The following MECR variants were observed in gnomAD, a reference collection of about 807,000 sequenced individuals.
The protein encoded by MECR is enoyl-[acyl-carrier-protein] reductase, mitochondrial.
Under a neutral mutation model 49.1 loss-of-function variants are expected in MECR, and 37 were observed. The observed-to-expected ratio is 0.75, with a 90% CI of 0.58 to 0.99. The LOEUF (loss-of-function observed/expected upper bound fraction) is 0.99. Ranked by LOEUF, MECR falls within the 50% of genes least tolerant of loss-of-function variation. The probability of loss-of-function intolerance (pLI) is 0.00; values close to 1 mark genes in which losing one functional copy is unlikely to be tolerated. For synonymous variants in MECR, 198 were observed against 191.1 expected (o/e 1.04, Z -0.30); for missense variants, 470 against 479.6 (o/e 0.98, Z 0.19).
At chr1:29,199,565 T>C (rs369910217) in intron 7 of MECR, among the ~76,000 whole-genome samples, 11 of 152,138 alleles carry the variant, frequency 7.2e-5, no homozygotes, top group South Asian at 4.1e-4. Context: ...TGGAAGGACA[T>C]GCATTAATAT....
At chr1:29,217,935 G>C (rs1679882259) in intron 1 of MECR, among the ~76,000 whole-genome samples, 1 of 152,188 alleles carries the variant, frequency 6.6e-6, no homozygotes, top group South Asian at 2.1e-4. Context: ...TGGGTGGAGG[G>C]CTGAAGGTCC....
At chr1:29,174,702 T>A in the MECR span, among the ~76,000 whole-genome samples, 1 of 125,222 alleles carries the variant, frequency 8.0e-6, no homozygotes. Flanking sequence ...TTTGATGGAG[T>A]CTTGCTCCAT....
chr1:29,199,213 C>G (rs956874683), intron 7 of MECR, among the ~76,000 whole-genome samples: 5 of 152,280 alleles, frequency 3.3e-5, no homozygotes, highest in Admixed American at 2.6e-4. Flanking sequence ...TTTACACACA[C>G]TCTAGCTCAA....
At chr1:29,217,192 C>T (rs1679664254) in intron 1 of MECR, among the ~76,000 whole-genome samples, 1 of 137,036 alleles carries the variant, frequency 7.3e-6, no homozygotes, top group African/African-American at 2.7e-5. Context: ...TCATTAACTG[C>T]AAGTGGAAAA....
In MECR at chr1:29,230,853, C is replaced by A; in HGVS notation, c.54G>T (p.Arg18=). The A allele has an allele frequency of 6.2e-7, 1 of 1,607,818 alleles. No homozygotes were observed. The change falls in exon 1 of 10, where the codon CGG becomes CGT. Residue 18 remains arginine, a synonymous_variant. Transcript: ENST00000263702. ...WRVRTPARQW[R]GLLPASGCHG... Reference sequence around the variant, plus strand: ...GACAGCCAGAAGCTGGGAGCAGCCCCCGCCACTGCCGGGCGGGGGTTCGCA... The same window carrying A: ...GACAGCCAGAAGCTGGGAGCAGCCCACGCCACTGCCGGGCGGGGGTTCGCA...
chr1:29,204,173 C>T (rs1300933791), intron 4 of MECR, among the ~76,000 whole-genome samples: 14 of 151,884 alleles, frequency 9.2e-5, no homozygotes, highest in South Asian at 6.2e-4. Context: ...GAGCTGAGAT[C>T]GCGCCACTGT....
At chr1:29,207,853 C>T (rs1335135692) in intron 3 of MECR, among the ~76,000 whole-genome samples, 5 of 152,242 alleles carry the variant, frequency 3.3e-5, no homozygotes, top group Admixed American at 6.5e-5. Flanking sequence ...TTAATGTCAC[C>T]GTGCAGGTAG....
rs760521902 is a variant in MECR at position 29,230,847 on chromosome 1, C to G, written c.60G>C (p.Leu20=). Residue 20 remains leucine (L), a synonymous_variant, in exon 1 of 10, where the codon CTG becomes CTC. Coordinates refer to ENST00000263702, the MANE Select transcript of MECR (RefSeq NM_016011.5). ...VRTPARQWRG[L]LPASGCHGPA... ...GTCCGTGACAGCCAGAAGCTGGGAGCAGCCCCCGCCACTGCCGGGCGGGGG... is the reference window on the plus strand; with the variant it reads ...GTCCGTGACAGCCAGAAGCTGGGAGGAGCCCCCGCCACTGCCGGGCGGGGG... 1.2e-6 allele frequency: 2 copies of G among 1,602,752 alleles called. No individual in the cohort carries two copies. Among genetic ancestry groups the G allele is most frequent in the Non-Finnish European group, 1.7e-6 (2 of 1,178,006 alleles).
At chr1:29,210,654 G>A (rs1677772948) in intron 3 of MECR, among the ~76,000 whole-genome samples, 1 of 152,138 alleles carries the variant, frequency 6.6e-6, no homozygotes, top group Admixed American at 6.6e-5. Flanking sequence ...GGGTGGGAGG[G>A]AGGCAGCACC....
chr1:29,188,108 T>C (rs1673064901), downstream of MECR, among the ~76,000 whole-genome samples: 1 of 146,494 alleles, frequency 6.8e-6, no homozygotes, highest in Non-Finnish European at 1.5e-5. Flanking sequence ...AGAGATGGGG[T>C]TTCACCATGT....
At chr1:29,194,824 C>T (rs918844989) in intron 9 of MECR, among the ~76,000 whole-genome samples, 4 of 152,128 alleles carry the variant, frequency 2.6e-5, no homozygotes, top group African/African-American at 7.2e-5. Flanking sequence ...TGCCTTTAAG[C>T]GTGAGTCTTG....
intron 1 of MECR, among the ~76,000 whole-genome samples, chr1:29,225,864 T>C (rs1681908665): frequency 1.3e-5 from 2 of 152,200 alleles, no homozygotes; most frequent in South Asian, 4.2e-4. Flanking sequence ...CCAAAGTCCA[T>C]CTGGCTTAAG....
chr1:29,178,353 C>CTTCTTTTTTTTTTTTTTTT, the MECR span, among the ~76,000 whole-genome samples: 78 of 127,890 alleles, frequency 6.1e-4, 3 homozygotes, highest in East Asian at 2.6e-3. Flanking sequence ...GTTTCAATTA[C>CTTCTTTTTTTTTTTTTTTT]TTTTTTTTTT....
At chr1:29,226,399 G>T (rs1333492619) in intron 1 of MECR, among the ~76,000 whole-genome samples, 1 of 151,960 alleles carries the variant, frequency 6.6e-6, no homozygotes, top group Non-Finnish European at 1.5e-5. Flanking sequence ...GAAATTTGGG[G>T]TTACCTGAAT....
chr1:29,224,507 G>A (rs1285077934), intron 1 of MECR: 4 of 152,208 alleles, frequency 2.6e-5, no homozygotes, highest in Admixed American at 1.3e-4. Flanking sequence ...GAGGATTCAC[G>A]TCTCATGATA....
chr1:29,169,832 A>G, the MECR span: 4 of 152,314 alleles, frequency 2.6e-5, no homozygotes, highest in East Asian at 5.8e-4. Context: ...CCTAAACACC[A>G]AACAGTAAAA....
At chr1:29,200,755 C>T (rs1406926919) in intron 6 of MECR, among the ~76,000 whole-genome samples, 166 bp from the exon 7 acceptor site, 2 of 152,092 alleles carry the variant, frequency 1.3e-5, no homozygotes, top group Non-Finnish European at 2.9e-5. Flanking sequence ...TTTGAACTCA[C>T]CTTTTTCTCT....
chr1:29,205,549 G>A (rs1029905978), intron 4 of MECR, among the ~76,000 whole-genome samples: 1 of 151,900 alleles, frequency 6.6e-6, no homozygotes, highest in African/African-American at 2.4e-5. Context: ...TGAGCAGGCC[G>A]GCTGGGGGTG....
the MECR span, among the ~76,000 whole-genome samples, chr1:29,174,212 GAA>G: frequency 2.1e-4 from 30 of 145,678 alleles, no homozygotes; most frequent in East Asian, 6.1e-4. Flanking sequence ...AAAGAAAAAA[GAA>G]AAAAAAAAAT....
Sources: gnomAD v4.1 joint callset for allele counts (sites outside exome capture counted in the v4.1 genomes callset) on GRCh38, gnomAD v4.1.1 for gene constraint, MANE v1.5 for transcripts, NCBI Gene and HGNC (gene_info 2026-07-23, HGNC 2026-07-21) for gene names.